Variants in IRAK1BP1 observed in about 807,000 individuals in gnomAD.
IRAK1BP1 encodes interleukin-1 receptor-associated kinase 1-binding protein 1.
Under a neutral mutation model 28.0 loss-of-function variants are expected in IRAK1BP1, and 24 were observed. The observed-to-expected ratio is 0.86, with a 90% CI of 0.62 to 1.20. IRAK1BP1 has a LOEUF of 1.20. Ranked by LOEUF, IRAK1BP1 falls within the 50% of genes most tolerant of loss-of-function variation. IRAK1BP1 has a pLI of 0.00. For missense variants in IRAK1BP1, 336 were observed against 316.7 expected (o/e 1.06, Z -0.46); for synonymous variants, 131 against 116.3 (o/e 1.13, Z -0.81).
the IRAK1BP1 span, among the ~76,000 whole-genome samples, chr6:78,952,854 C>A: frequency 3.3e-5 from 5 of 151,564 alleles, no homozygotes; most frequent in African/African-American, 1.2e-4. Flanking sequence ...AACTCAACAG[C>A]ATTTCTTTTT....
intron 4 of IRAK1BP1, chr6:78,939,208 T>C (rs1020994333): frequency 1.3e-5 from 2 of 151,784 alleles, no homozygotes; most frequent in African/African-American, 4.8e-5. Context: ...GCAGTACATA[T>C]AGCAATACAT....
exon 5 of IRAK1BP1, chr6:78,946,121 C>T (rs769609571): frequency 6.2e-7 from 1 of 1,613,998 alleles, no homozygotes; most frequent in South Asian, 1.1e-5. Context: ...CTGGTTCGAA[C>T]CACAGAACTA....
chr6:78,878,670 G>T (rs1581996376), intron 1 of IRAK1BP1, among the ~76,000 whole-genome samples: 1 of 152,208 alleles, frequency 6.6e-6, no homozygotes, highest in Non-Finnish European at 1.5e-5. Context: ...GAGAGAAGAA[G>T]GCTTCAGACG....
intron 4 of IRAK1BP1, among the ~76,000 whole-genome samples, chr6:78,922,666 C>A (rs1772770857): frequency 6.6e-6 from 1 of 152,092 alleles, no homozygotes; most frequent in African/African-American, 2.4e-5. Flanking sequence ...TTAAGGGCAG[C>A]CAGAGAGAAA....
Position 78,867,714 on chromosome 6 carries a change from C to G in IRAK1BP1, c.138C>G (p.Ala46=), listed in dbSNP as rs1479564803. Residue 46 remains alanine, a synonymous_variant, in exon 1 of 4, where the codon GCC becomes GCG. Coordinates refer to ENST00000369940, the MANE Select transcript of IRAK1BP1 (RefSeq NM_001010844.4). ...GCCACCCCCTCTCCTCAACACAAGC[C>G]CAAACTGCTACCCGCGAGGTGCAAG... ...GLRHPLSSTQ[A]QTATREVQVS... The G allele has an allele frequency of 2.5e-6, 4 of 1,614,248 alleles. No individual in the cohort carries two copies. The highest frequency in any genetic ancestry group is 3.3e-5 in the Admixed American group (2 of 60,036).
chr6:78,878,376 A>G (rs1363452306), intron 1 of IRAK1BP1, among the ~76,000 whole-genome samples: 2 of 152,208 alleles, frequency 1.3e-5, no homozygotes, highest in Admixed American at 6.5e-5. Flanking sequence ...GCTGATACCC[A>G]GGCAAACAGG....
the IRAK1BP1 span, among the ~76,000 whole-genome samples, chr6:78,964,304 AT>A: frequency 7.9e-5 from 12 of 152,094 alleles, no homozygotes; most frequent in African/African-American, 2.9e-4. Flanking sequence ...CAGTATGACA[AT>A]TTTCTCATTT....
intron 1 of IRAK1BP1, among the ~76,000 whole-genome samples, chr6:78,873,254 CAAAAAAAAAA>C (rs35962544): frequency 1.2e-3 from 51 of 41,106 alleles, no homozygotes; most frequent in Admixed American, 3.9e-3. Flanking sequence ...AACTCTGTCT[CAAAAAAAAAA>C]AAAAAAAAAA....
At chr6:78,877,718 G>T (rs1156504559) in intron 1 of IRAK1BP1, among the ~76,000 whole-genome samples, 1 of 152,204 alleles carries the variant, frequency 6.6e-6, no homozygotes, top group Non-Finnish European at 1.5e-5. Flanking sequence ...AAGTGCAAGG[G>T]GTCGGGGAAT....
chr6:78,921,660 T>A (rs1233602762), intron 4 of IRAK1BP1, among the ~76,000 whole-genome samples: 1 of 152,164 alleles, frequency 6.6e-6, no homozygotes, highest in Non-Finnish European at 1.5e-5. Flanking sequence ...GTGGCCTAAC[T>A]GGGAGGCATC....
intron 2 of IRAK1BP1, among the ~76,000 whole-genome samples, chr6:78,890,316 T>C (rs1771600224): frequency 1.3e-5 from 2 of 151,678 alleles, no homozygotes; most frequent in Non-Finnish European, 2.9e-5. Context: ...AAATACCTAA[T>C]GTAGATGACA....
At chr6:78,914,372 T>G (rs1207064627) in intron 4 of IRAK1BP1, among the ~76,000 whole-genome samples, 4 of 152,230 alleles carry the variant, frequency 2.6e-5, no homozygotes, top group Non-Finnish European at 4.4e-5. Context: ...TAAAATGATT[T>G]GTATAATACC....
At chr6:78,915,369 A>C (rs141231646) in intron 4 of IRAK1BP1, among the ~76,000 whole-genome samples, 159 of 152,324 alleles carry the variant, frequency 1.0e-3, no homozygotes, top group African/African-American at 3.6e-3. Context: ...GACTAAAATA[A>C]AGCCCAAAAC....
chr6:78,943,908 C>T lies in IRAK1BP1; in HGVS notation c.*68-1500C>T, dbSNP rs150245653. 2.8e-3 allele frequency among the ~76,000 whole-genome samples: 422 copies of T among 149,640 alleles called. 2 individuals are homozygous for T. Among genetic ancestry groups the T allele is most frequent in the African/African-American group, 1.0e-2 (403 of 40,502 alleles). On this transcript the variant is annotated intron_variant and NMD_transcript_variant, in intron 4 of 4. Coordinates refer to the IRAK1BP1 transcript ENST00000606868. ...GGCTGAGGCAGAAGAATTGCTTGAA[C>T]CGGCAAGGCAGAGGTTGCAGTGAAT...
At chr6:78,906,150 G>T (rs1225811477), downstream of IRAK1BP1, among the ~76,000 whole-genome samples, 1 of 151,994 alleles carries the variant, frequency 6.6e-6, no homozygotes, top group Non-Finnish European at 1.5e-5. Flanking sequence ...AAGTCTTCTG[G>T]AAGTAAGTCT....
intron 4 of IRAK1BP1, among the ~76,000 whole-genome samples, chr6:78,920,418 T>TA (rs1478497829): frequency 1.3e-5 from 2 of 152,154 alleles, no homozygotes; most frequent in African/African-American, 4.8e-5. Context: ...ATGGTACTGG[T>TA]ACAAAAACAG....
the IRAK1BP1 span, among the ~76,000 whole-genome samples, chr6:78,977,987 C>G: frequency 6.6e-6 from 1 of 152,048 alleles, no homozygotes; most frequent in Admixed American, 6.6e-5. Flanking sequence ...ATAACACTGC[C>G]TCTTAAAATT....
intron 1 of IRAK1BP1, among the ~76,000 whole-genome samples, chr6:78,877,858 C>T (rs1761141953): frequency 1.3e-5 from 2 of 152,112 alleles, no homozygotes; most frequent in South Asian, 4.1e-4. Flanking sequence ...GCACCTGGCT[C>T]AGAGGGTCCC....
At chr6:78,891,523 G>A (rs1350061317) in intron 2 of IRAK1BP1, among the ~76,000 whole-genome samples, 2 of 151,216 alleles carry the variant, frequency 1.3e-5, no homozygotes, top group Non-Finnish European at 1.5e-5. Context: ...GTGCAATGGC[G>A]TGATCTTGGC....
Sources: gnomAD v4.1 joint callset for allele counts (sites outside exome capture counted in the v4.1 genomes callset) on GRCh38, gnomAD v4.1.1 for gene constraint, MANE v1.5 for transcripts, NCBI Gene and HGNC (gene_info 2026-07-23, HGNC 2026-07-21) for gene names.